Variants in PRKCE observed in about 807,000 individuals in gnomAD.
The protein encoded by PRKCE is protein kinase C epsilon, also known as protein kinase C epsilon type.
PRKCE carries 16 observed loss-of-function variants against 85.4 expected under a neutral mutation model. The ratio of observed to expected loss-of-function variants is 0.19; its 90% CI spans 0.13 to 0.28. The LOEUF is 0.28. Among genes scored for constraint, PRKCE ranks in the 10% least tolerant of loss-of-function variants. The pLI, the probability that PRKCE is intolerant of heterozygous loss-of-function variation, is 1.00. For missense variants in PRKCE, 573 were observed against 975.2 expected, an observed-to-expected ratio of 0.59 and a Z score of 5.49; for synonymous variants, 388 against 371.5, an observed-to-expected ratio of 1.04 and a Z score of -0.51.
At chr2:46,065,767 C>T (rs952572216) in intron 10 of PRKCE, among the ~76,000 whole-genome samples, 1 of 151,948 alleles carries the variant, frequency 6.6e-6, no homozygotes, top group South Asian at 2.1e-4. Flanking sequence ...ATTATATTTC[C>T]AAGCCATAAA....
At chr2:46,169,552 G>A (rs1355302039) in intron 14 of PRKCE, among the ~76,000 whole-genome samples, 2 of 152,188 alleles carry the variant, frequency 1.3e-5, no homozygotes, top group South Asian at 2.1e-4. Flanking sequence ...GTGGCAAATG[G>A]CTAGGCCAGG....
chr2:46,092,341 C>T (rs200621938), intron 11 of PRKCE, among the ~76,000 whole-genome samples: 1,596 of 152,230 alleles, frequency 0.01, 32 homozygotes, highest in African/African-American at 0.036. Context: ...TTAGATTCTC[C>T]AAGCCTTTTG....
At chr2:46,123,603 C>G (rs1008828802) in intron 11 of PRKCE, among the ~76,000 whole-genome samples, 2 of 152,140 alleles carry the variant, frequency 1.3e-5, no homozygotes, top group African/African-American at 4.8e-5. Context: ...ATTCTCATGC[C>G]CCAACCTCCC....
At chr2:45,709,849 A>G (rs1342864578) in intron 1 of PRKCE, among the ~76,000 whole-genome samples, 2 of 152,026 alleles carry the variant, frequency 1.3e-5, no homozygotes, top group East Asian at 1.9e-4. Flanking sequence ...TCACTCTGTC[A>G]CCCAGGCTGG....
intron 10 of PRKCE, among the ~76,000 whole-genome samples, chr2:46,026,700 G>C (rs1441798440): frequency 1.3e-5 from 2 of 152,136 alleles, no homozygotes; most frequent in African/African-American, 4.8e-5. Flanking sequence ...TTATAAGAGA[G>C]TAAATGAGAC....
chr2:45,879,739 G>A (rs1297526327), intron 2 of PRKCE, among the ~76,000 whole-genome samples: 6 of 152,230 alleles, frequency 3.9e-5, no homozygotes, highest in African/African-American at 7.2e-5. Context: ...TCACGAGGCC[G>A]TGAAAGGGTC....
intron 1 of PRKCE, among the ~76,000 whole-genome samples, chr2:45,738,273 C>T (rs984513274): frequency 6.6e-6 from 1 of 152,218 alleles, no homozygotes; most frequent in African/African-American, 2.4e-5. Flanking sequence ...TCTTGCATAG[C>T]AACTAGAGCC....
chr2:45,983,358 C>A lies in PRKCE; in HGVS notation c.694-1193C>A, dbSNP rs559314277. Among the ~76,000 whole-genome samples, 3 of 152,302 alleles carry A rather than the reference C, an allele frequency of 2.0e-5. No individual in the cohort carries two copies. In the South Asian group the frequency reaches 6.2e-4, roughly 32 times the overall value. On this transcript the variant is annotated intron_variant, in intron 5 of 14. Transcript: ENST00000306156. ...AGCTTTGCCGCATGCCAGCCACTTC[C>A]TAATCCCCGGGGTAGCAAGAGTGAT...
chr2:45,781,285 C>T (rs563057613), intron 1 of PRKCE, among the ~76,000 whole-genome samples: 13 of 152,226 alleles, frequency 8.5e-5, no homozygotes, highest in South Asian at 2.1e-4. Context: ...TGCAGTGAGC[C>T]GTGATCGCAC....
intron 2 of PRKCE, among the ~76,000 whole-genome samples, chr2:45,889,528 G>C (rs1467270053): frequency 8.5e-6 from 1 of 117,964 alleles, no homozygotes; most frequent in Non-Finnish European, 1.6e-5. Flanking sequence ...CCTTTTTGAA[G>C]TTTCTGCTTA....
At chr2:46,116,763 T>A (rs938553090) in intron 11 of PRKCE, among the ~76,000 whole-genome samples, 2 of 151,998 alleles carry the variant, frequency 1.3e-5, no homozygotes, top group Non-Finnish European at 1.5e-5. Context: ...AAAAAGCCCC[T>A]TGAAGGTCTG....
intron 14 of PRKCE, among the ~76,000 whole-genome samples, chr2:46,160,744 G>A (rs1256033365): frequency 6.6e-6 from 1 of 152,178 alleles, no homozygotes; most frequent in Non-Finnish European, 1.5e-5. Flanking sequence ...GTGCAGAAAA[G>A]ACCTTCCTGT....
intron 10 of PRKCE, among the ~76,000 whole-genome samples, chr2:46,039,829 C>T (rs1168715403): frequency 2.6e-5 from 4 of 152,188 alleles, no homozygotes; most frequent in Non-Finnish European, 5.9e-5. Context: ...ATATTCTCCA[C>T]TGATCCAGGA....
intron 11 of PRKCE, among the ~76,000 whole-genome samples, chr2:46,131,509 C>G (rs1162304941): frequency 6.6e-6 from 1 of 152,160 alleles, no homozygotes; most frequent in African/African-American, 2.4e-5. Context: ...AAAGAAATGT[C>G]CAGAGTATGG....
Position 45,847,617 on chromosome 2 carries a change from G to A in PRKCE, c.412+4554G>A, listed in dbSNP as rs76954759. Among the ~76,000 whole-genome samples the A allele has an allele frequency of 3.8e-3, 582 of 152,224 alleles. 4 individuals carry two copies. Among genetic ancestry groups the A allele is most frequent in the African/African-American group, 0.013 (546 of 41,520 alleles). ...TGAGAGGTCAGATGATGTGCTCCAG[G>A]CCAAAAGGTTGATTATGAGACCCTG... On this transcript the variant is annotated intron_variant, in intron 2 of 14. Coordinates refer to ENST00000306156, the MANE Select transcript of PRKCE (RefSeq NM_005400.3).
At chr2:46,069,653 A>G (rs1223451970) in intron 10 of PRKCE, among the ~76,000 whole-genome samples, 1 of 152,204 alleles carries the variant, frequency 6.6e-6, no homozygotes, top group South Asian at 2.1e-4. Context: ...AAACTAAATC[A>G]TTGCATAATC....
intron 13 of PRKCE, among the ~76,000 whole-genome samples, chr2:46,152,523 A>C (rs1015727517): frequency 6.6e-6 from 1 of 151,794 alleles, no homozygotes; most frequent in African/African-American, 2.4e-5. Context: ...CGTAGGTAGA[A>C]AATCAGTATC....
chr2:45,984,082 C>T (rs1285172427), intron 5 of PRKCE, among the ~76,000 whole-genome samples: 1 of 151,896 alleles, frequency 6.6e-6, no homozygotes, highest in Non-Finnish European at 1.5e-5. Flanking sequence ...GGATTACAGG[C>T]TCGCACCACC....
chr2:46,055,968 G>A lies in PRKCE; in HGVS notation c.1438-30240G>A, dbSNP rs148320234. ...GTGAGTCATAGCGCCCGGCCAGTAA[G>A]TCTAATTTTTGCATGCCAACCCATT... On this transcript the variant is annotated intron_variant, in intron 10 of 14. Transcript: ENST00000306156. 4.0e-4 allele frequency among the ~76,000 whole-genome samples: 61 copies of A among 152,264 alleles called. 3 individuals carry two copies. The highest frequency in any genetic ancestry group is 1.4e-3 in the African/African-American group (60 of 41,544).
Sources: allele counts gnomAD v4.1 joint callset (sites outside exome capture counted in the v4.1 genomes callset), GRCh38; gene constraint gnomAD v4.1.1; transcripts MANE v1.5; gene names NCBI Gene and HGNC (gene_info 2026-07-23, HGNC 2026-07-21).